AP5Z1: variants seen among roughly 807,000 people sequenced by gnomAD.
AP5Z1 encodes the protein adaptor related protein complex 5 subunit zeta 1.
In AP5Z1, 106 loss-of-function variants were observed where a neutral mutation model predicts 83.0. The ratio of observed to expected loss-of-function variants is 1.28; its 90% CI spans 1.09 to 1.50. The LOEUF (loss-of-function observed/expected upper bound fraction) is 1.50. Ranked by LOEUF, AP5Z1 falls within the 40% of genes most tolerant of loss-of-function variation. The probability of loss-of-function intolerance (pLI) is 0.00; values close to 1 mark genes in which losing one functional copy is unlikely to be tolerated. For synonymous variants in AP5Z1, 751 were observed against 514.1 expected (o/e 1.46, Z -6.23); for missense variants, 1,565 against 1,094.2 (o/e 1.43, Z -6.07).
rs535711033 is a variant in AP5Z1, at chr7:4,781,345, A to C, written c.179+33A>C. On this transcript the variant is annotated intron_variant, in intron 2 of 16. Coordinates refer to ENST00000649063, the MANE Select transcript of AP5Z1 (RefSeq NM_014855.3). ...TGGCGACGGCTCAGGCCGGCTCCTC[A>C]CACAGCGGCCCCAGGAGAACCCAGC... The C allele has an allele frequency of 5.6e-6, 9 of 1,610,858 alleles. No homozygotes were observed. In the South Asian group the frequency reaches 9.9e-5, roughly 18 times the overall value.
rs1466405369 is a variant in AP5Z1, at chr7:4,783,280, G to C, written c.367-36G>C. Reference sequence around the variant, plus strand: ...ATGGGGGAGCTGGTCTCTGGCACAGGCCAGTACCCCAGCGTTTGCCCTGTT... The same window carrying C: ...ATGGGGGAGCTGGTCTCTGGCACAGCCCAGTACCCCAGCGTTTGCCCTGTT... On this transcript the variant is annotated intron_variant, in intron 3 of 16. Transcript: ENST00000649063. 3 of 1,560,398 alleles carry C rather than the reference G, an allele frequency of 1.9e-6. No individual in the cohort carries two copies. The African/African-American group carries it at 4.1e-5, about 21-fold the overall frequency.
chr7:4,778,621 A>G (rs1195477185), intron 1 of AP5Z1, among the ~76,000 whole-genome samples: 1 of 151,932 alleles, frequency 6.6e-6, no homozygotes, highest in Non-Finnish European at 1.5e-5. Context: ...TGGATTTTAG[A>G]GAGAAGCTTG....
rs763573216 is a variant in AP5Z1 at position 4,785,694 on chromosome 7, G to A, written c.1132+10G>A. On this transcript the variant is annotated intron_variant, in intron 9 of 16. Coordinates refer to ENST00000649063, the MANE Select transcript of AP5Z1 (RefSeq NM_014855.3). ...TTCTTCCTGAGCCACGGTGAGCCCA[G>A]GGTGGGGTGGCGCTGACTCGGGGCT... The A allele has an allele frequency of 1.1e-5, 16 of 1,507,774 alleles. No homozygotes were observed. Among genetic ancestry groups the A allele is most frequent in the Non-Finnish European group, 1.3e-5 (15 of 1,126,334 alleles). 93.4% of individuals were successfully genotyped at this position (1,507,774 alleles called of 1,614,324 possible).
At chr7:4,784,882 C>G in intron 6 of AP5Z1, 26 bp from the exon 7 acceptor site, 5 of 1,600,466 alleles carry the variant, frequency 3.1e-6, no homozygotes, top group Non-Finnish European at 4.3e-6. Context: ...ACACGTCAGC[C>G]TGCTGAGAGT....
At chr7:4,790,955 C>CCATCCAGGTGTTGT in intron 16 of AP5Z1, 68 bp downstream of exon 16, 1 of 1,499,056 alleles carries the variant, frequency 6.7e-7, no homozygotes, top group South Asian at 1.3e-5. Context: ...TGAGGTCTTC[C>CCATCCAGGTGTTGT]CATCCAGGTG....
intron 3 of AP5Z1, 80 bp downstream of exon 3, chr7:4,781,834 A>G (rs1583228474): frequency 7.1e-7 from 1 of 1,417,602 alleles, no homozygotes; most frequent in South Asian, 1.6e-5. Flanking sequence ...CAGGGGCGCC[A>G]GAGCCGGCAG....
intron 2 of AP5Z1, 67 bp from the exon 3 acceptor site, chr7:4,781,501 G>T: frequency 6.4e-7 from 1 of 1,564,518 alleles, no homozygotes; most frequent in East Asian, 2.3e-5. Context: ...CAGGTGCTCT[G>T]GGGCACCGGG....
chr7:4,781,908 C>T (rs1413960504), intron 3 of AP5Z1, among the ~76,000 whole-genome samples, 154 bp downstream of exon 3: 1 of 152,156 alleles, frequency 6.6e-6, no homozygotes, highest in Non-Finnish European at 1.5e-5. Context: ...CTGGGGCATG[C>T]CCTGTTGACT....
rs1424164530 is a variant in AP5Z1 at position 4,790,907 on chromosome 7, G to A, written c.2153+20G>A. 5 of 1,574,838 alleles carry A rather than the reference G, an allele frequency of 3.2e-6. No homozygotes were observed. In the African/African-American group the frequency reaches 4.1e-5, roughly 13 times the overall value. ...CCCCAGGTGCCTGGTCAGGGAGGGA[G>A]CGAAGCCTTCTGGCTCCTGGGGAAG... On this transcript the variant is annotated intron_variant, in intron 16 of 16. Transcript: ENST00000649063.
In AP5Z1 at chr7:4,788,820, C is replaced by T. The variant is rs772031610; in HGVS notation, c.1596-20C>T. On this transcript the variant is annotated intron_variant, in intron 12 of 16. Coordinates refer to ENST00000649063, the MANE Select transcript of AP5Z1 (RefSeq NM_014855.3). ...CAGGTCGGGGAGCGGGCAGCACTCACGGCCACACTGTGTCCTCAGGTTGGC... is the reference window on the plus strand; with the variant it reads ...CAGGTCGGGGAGCGGGCAGCACTCATGGCCACACTGTGTCCTCAGGTTGGC... 62 of 1,581,644 alleles carry T rather than the reference C, an allele frequency of 3.9e-5. No homozygotes were observed. The highest frequency in any genetic ancestry group is 1.3e-4 in the African/African-American group (10 of 74,416).
intron 14 of AP5Z1, 61 bp downstream of exon 14, chr7:4,789,990 T>TCCC: frequency 4.1e-6 from 3 of 733,588 alleles, no homozygotes; most frequent in Non-Finnish European, 3.4e-6. Context: ...CTCCTCCCCC[T>TCCC]CTCCCCTCCC....
At chr7:4,785,375 G>T in intron 7 of AP5Z1, 40 bp from the exon 8 acceptor site, 1 of 1,607,920 alleles carries the variant, frequency 6.2e-7, no homozygotes, top group South Asian at 1.1e-5. Context: ...GCCACTCTAA[G>T]GCTGAGACAG....
At position 4,789,832 on chromosome 7, in the gene AP5Z1, G is replaced by A; in HGVS notation, c.1708G>A (p.Val570Met). The A allele has an allele frequency of 6.4e-7, 1 of 1,551,562 alleles. No individual in the cohort carries two copies. Among genetic ancestry groups the A allele is most frequent in the African/African-American group, 1.4e-5 (1 of 73,176 alleles). Residue 570 changes from valine to methionine, a missense_variant and splice_region_variant, in exon 14 of 17, where the codon GTG (valine) becomes ATG (methionine). Physicochemically the swap from Val to Met is conservative, Grantham distance 21. Transcript: ENST00000649063. Reference protein sequence around the residue: ...LQAFFSAVTQVADGSLINQLA... With the variant: ...LQAFFSAVTQMADGSLINQLA... ...CCTGTTTCCCACTCCTGACCCCCAG[G>A]TGGCTGACGGGTCCCTGATCAACCA...
In AP5Z1 at chr7:4,790,681, C is replaced by T. The variant is rs774125662; in HGVS notation, c.1947C>T (p.Ala649=). Residue 649 remains alanine (A), a synonymous_variant, in exon 16 of 17, where the codon GCC becomes GCT. Coordinates refer to ENST00000649063, the MANE Select transcript of AP5Z1 (RefSeq NM_014855.3). ...TCTGTCCCCGGGCCTAGGTGTGGGC[C>T]ATCGGCGAGTACCTGTCGGTGACCT... ...RASLVTSVVW[A]IGEYLSVTYD... The T allele has an allele frequency of 2.5e-6, 4 of 1,612,036 alleles. No individual in the cohort carries two copies. The Admixed American group carries it at 5.0e-5, about 20-fold the overall frequency.
intron 10 of AP5Z1, 85 bp from the exon 11 acceptor site, chr7:4,787,549 A>AGCTG (rs1261682378): frequency 1.3e-6 from 2 of 1,492,750 alleles, no homozygotes; most frequent in Non-Finnish European, 1.8e-6. Flanking sequence ...GGTCTGGGAC[A>AGCTG]GCTGTGGGGC....
chr7:4,785,437 C>G lies in AP5Z1; in HGVS notation c.954C>G (p.Ser318=), dbSNP rs111361085. ...CAGGAGCCCTGAGGAAGGGGGACTC[C>G]GACCTGCAGAAAGCTGTAAGTGGCT... is the stretch of plus-strand genomic sequence containing the variant. ...SNRRALRKGD[S]DLQKACLVEA... is the part of the protein sequence containing the mutation. The change falls in exon 8 of 17, where the codon TCC becomes TCG. Residue 318 remains serine (S), a synonymous_variant. Coordinates refer to ENST00000649063, the MANE Select transcript of AP5Z1 (RefSeq NM_014855.3). 1.2e-6 allele frequency: 2 copies of G among 1,613,344 alleles called. No homozygotes were observed. Among genetic ancestry groups the G allele is most frequent in the South Asian group, 1.1e-5 (1 of 91,016 alleles).
rs1360280076 is a variant in AP5Z1 at position 4,786,167 on chromosome 7, G to C, written c.1133-83G>C. On this transcript the variant is annotated intron_variant, in intron 9 of 16. Transcript: ENST00000649063. Reference sequence around the variant, plus strand: ...CCTTGGTGTCCTGGAGAGCAGGCCTGAGACTCAGGGCCCCTAACCAGTCAC... The same window carrying C: ...CCTTGGTGTCCTGGAGAGCAGGCCTCAGACTCAGGGCCCCTAACCAGTCAC... The C allele has an allele frequency of 2.9e-6, 4 of 1,401,390 alleles. No homozygotes were observed. The Admixed American group carries it at 1.1e-4, about 37-fold the overall frequency. The allele number at this position is 1,401,390 out of a possible 1,614,324, so 86.8% of individuals were successfully genotyped here.
At chr7:4,787,465 G>T (rs112887769) in intron 10 of AP5Z1, 169 bp from the exon 11 acceptor site, 6 of 1,020,662 alleles carry the variant, frequency 5.9e-6, no homozygotes, top group Non-Finnish European at 8.2e-6. Context: ...CAGCCTGGGC[G>T]ACAGAGCAAG....
rs1288910045 is a variant in AP5Z1 at position 4,785,005 on chromosome 7, G to T, written c.888G>T (p.Val296=). ...LLPPRERLRE[V]AFEYCQRLIE... is the part of the protein sequence containing the mutation. ...CGCCCCGGGAGCGGCTTCGGGAGGT[G>T]GCCTTCGAGTACTGCCAGCGCCTCA... is the stretch of plus-strand genomic sequence containing the variant. The change falls in exon 7 of 17, where the codon GTG becomes GTT. Residue 296 remains valine, a synonymous_variant. Coordinates refer to ENST00000649063, the MANE Select transcript of AP5Z1 (RefSeq NM_014855.3). 12 of 1,611,320 alleles carry T rather than the reference G, an allele frequency of 7.4e-6. No homozygotes were observed. Among genetic ancestry groups the T allele is most frequent in the Non-Finnish European group, 1.0e-5 (12 of 1,179,152 alleles).
Sources: gnomAD v4.1 joint callset for allele counts (sites outside exome capture counted in the v4.1 genomes callset) on GRCh38, gnomAD v4.1.1 for gene constraint, MANE v1.5 for transcripts, NCBI Gene and HGNC (gene_info 2026-07-23, HGNC 2026-07-21) for gene names.